Variants in RUSC1 observed in about 807,000 individuals in gnomAD.
RUSC1 encodes the protein RUN and SH3 domain containing 1, also known as AP-4 complex accessory subunit RUSC1.
RUSC1 carries 40 observed loss-of-function variants against 72.1 expected under a neutral mutation model. That is an observed-to-expected ratio of 0.55 (90% confidence interval 0.43 to 0.72). The LOEUF is 0.72. Ranked by LOEUF, RUSC1 falls within the 30% of genes least tolerant of loss-of-function variation. The pLI is 0.00. For missense variants in RUSC1, 1,092 were observed against 1,172.3 expected, an observed-to-expected ratio of 0.93 and a Z score of 1.00; for synonymous variants, 512 against 494.2, an observed-to-expected ratio of 1.04 and a Z score of -0.48.
At chr1:155,324,102 G>T in intron 2 of RUSC1, 1 of 1,194,848 alleles carries the variant, frequency 8.4e-7, no homozygotes, top group Non-Finnish European at 1.0e-6. Flanking sequence ...AAGTCTAGGG[G>T]GTCCCAGCGA....
chr1:155,324,428 C>T, intron 2 of RUSC1: 1 of 1,613,172 alleles, frequency 6.2e-7, no homozygotes, highest in Non-Finnish European at 8.5e-7. Context: ...ATGCCGCCCA[C>T]GTGCTCCCCG....
intron 2 of RUSC1, chr1:155,324,184 C>T: frequency 7.2e-7 from 1 of 1,393,530 alleles, no homozygotes; most frequent in African/African-American, 1.5e-5. Flanking sequence ...GCCTGCCCCC[C>T]GACCTTGCTA....
chr1:155,322,183 G>T lies in RUSC1; in HGVS notation c.410G>T (p.Ser137Ile). ...GATGAGGATGCCCACCCTCAGCCCA[G>T]TATCATCCCCCTGGAGCAGGGCTCC... The part of the protein sequence containing the change: ...PGDEDAHPQP[S>I]IIPLEQGSPL... Residue 137 changes from serine (S) to isoleucine (I), a missense_variant, in exon 2 of 10, where the codon AGT becomes ATT. Physicochemically the swap from Ser to Ile is moderately radical, Grantham distance 142. Coordinates refer to ENST00000368352, the MANE Select transcript of RUSC1 (RefSeq NM_001105203.2). 6.2e-7 allele frequency: 1 copy of T among 1,606,630 alleles called. No homozygotes were observed. The highest frequency in any genetic ancestry group is 1.1e-5 in the South Asian group (1 of 90,222).
chr1:155,325,435 C>T lies in RUSC1; in HGVS notation c.1653C>T (p.Ile551=). Residue 551 remains isoleucine (I), a synonymous_variant, in exon 5 of 10, where the codon ATC becomes ATT. Coordinates refer to ENST00000368352, the MANE Select transcript of RUSC1 (RefSeq NM_001105203.2). This position sits in a 1 kb window ranked among gnomAD's most constrained non-coding sequence, Gnocchi z 6.5. Reference sequence around the variant, plus strand: ...TGAAGCCTTTCCGGAAGGACCTCATCACCGGGCAGCGCAGGAGCAGCCCCT... The same window carrying T: ...TGAAGCCTTTCCGGAAGGACCTCATTACCGGGCAGCGCAGGAGCAGCCCCT... The part of the protein sequence containing the change: ...DGLKPFRKDL[I]TGQRRSSPWS... The T allele has an allele frequency of 6.3e-7, 1 of 1,592,512 alleles. No homozygotes were observed. The highest frequency in any genetic ancestry group is 8.5e-7 in the Non-Finnish European group (1 of 1,173,830).
At position 155,326,622 on chromosome 1, in the gene RUSC1, T is replaced by C. The variant is rs1427090348; in HGVS notation, c.1904T>C (p.Leu635Pro). Residue 635 changes from leucine to proline, a missense_variant, in exon 8 of 10, where the codon CTG becomes CCG. Physicochemically the swap from Leu to Pro is moderately conservative, Grantham distance 98. Transcript: ENST00000368352. This position sits in a 1 kb window ranked among gnomAD's most constrained non-coding sequence, Gnocchi z 4.7. ...LLYLPTGFFS[L>P]ARGGCPSLST... ...TACCTGCCAACAGGATTTTTCTCCC[T>C]GGCCCGCGGTGGTTGTCCCTCCCTG... 12 of 1,613,786 alleles carry C rather than the reference T, an allele frequency of 7.4e-6. No individual in the cohort carries two copies. The Admixed American group carries it at 2.0e-4, about 27-fold the overall frequency.
rs572121491 is a variant in RUSC1, at chr1:155,330,884, A to G, written c.*313A>G. The stretch of plus-strand genomic sequence containing the variant: ...GAAATCTAGACCTCCTTCTTCATCC[A>G]TAAGTGGACTGTGCCAGTACAATAC... On this transcript the variant is annotated 3_prime_UTR_variant, in exon 10 of 10. Coordinates refer to ENST00000368352, the MANE Select transcript of RUSC1 (RefSeq NM_001105203.2). 21 of 257,210 alleles carry G rather than the reference A, an allele frequency of 8.2e-5. No individual in the cohort carries two copies. The highest frequency in any genetic ancestry group is 6.6e-4 in the South Asian group (14 of 21,072). The allele number at this position is 257,210 out of a possible 1,614,324, so 15.9% of individuals were successfully genotyped here.
chr1:155,324,503 C>T (rs375651480), intron 2 of RUSC1: 10 of 1,605,508 alleles, frequency 6.2e-6, no homozygotes, highest in African/African-American at 2.7e-5. Flanking sequence ...CCCCGCGCCC[C>T]GTCCTCTCCC....
In RUSC1 at chr1:155,325,026, A is replaced by G. The variant is rs1272109567; in HGVS notation, c.1457-76A>G. On this transcript the variant is annotated intron_variant, in intron 3 of 9. Transcript: ENST00000368352. This position sits in a 1 kb window ranked among gnomAD's most constrained non-coding sequence, Gnocchi z 6.5. ...CCCTGCTCTCAGGCTGTCCGAAGGC[A>G]GTCTCTCCACGCCCCTCGGGCAAGC... The G allele has an allele frequency of 6.2e-7, 1 of 1,613,622 alleles. No homozygotes were observed. Among genetic ancestry groups the G allele is most frequent in the Non-Finnish European group, 8.5e-7 (1 of 1,179,690 alleles).
rs751582977 is a variant in RUSC1 at position 155,322,199 on chromosome 1, G to A, written c.426G>A (p.Glu142=). 1 of 1,609,120 alleles carries A rather than the reference G, an allele frequency of 6.2e-7. No homozygotes were observed. The highest frequency in any genetic ancestry group is 1.1e-5 in the South Asian group (1 of 90,610). The stretch of plus-strand genomic sequence containing the variant: ...CTCAGCCCAGTATCATCCCCCTGGA[G>A]CAGGGCTCCCCACTGGCTTCAGCAG... ...AHPQPSIIPL[E]QGSPLASAGP... Residue 142 remains glutamate (E), a synonymous_variant, in exon 2 of 10, where the codon GAG becomes GAA. Transcript: ENST00000368352.
chr1:155,327,080 T>C lies in RUSC1; in HGVS notation c.2362T>C (p.Phe788Leu). The C allele has an allele frequency of 6.2e-7, 1 of 1,612,350 alleles. No individual in the cohort carries two copies. The highest frequency in any genetic ancestry group is 8.5e-7 in the Non-Finnish European group (1 of 1,179,178). Residue 788 changes from phenylalanine (F) to leucine (L), a missense_variant, in exon 8 of 10, where the codon TTT becomes CTT. Phe to Leu is a conservative substitution (Grantham distance 22). Coordinates refer to ENST00000368352, the MANE Select transcript of RUSC1 (RefSeq NM_001105203.2). Reference sequence around the variant, plus strand: ...CAGGGGCCTCTGGTTGGGAAGACTATTTGGAGTGCCTGGGGGCCCCGCAGA... The same window carrying C: ...CAGGGGCCTCTGGTTGGGAAGACTACTTGGAGTGCCTGGGGGCCCCGCAGA... ...PGRGLWLGRL[F>L]GVPGGPAENE...
intron 2 of RUSC1, chr1:155,324,281 G>C: frequency 2.0e-6 from 3 of 1,535,778 alleles, no homozygotes; most frequent in South Asian, 2.5e-5. Context: ...TCCCACGCGG[G>C]ATGAAGAGGG....
At chr1:155,328,336 G>A (rs1214038577) in intron 9 of RUSC1, 61 bp downstream of exon 9, 2 of 1,480,218 alleles carry the variant, frequency 1.4e-6, no homozygotes, top group East Asian at 2.4e-5. Flanking sequence ...CAGCATGGAT[G>A]GGAGGTAGTG....
At chr1:155,324,467 G>A in intron 2 of RUSC1, 1 of 1,611,790 alleles carries the variant, frequency 6.2e-7, no homozygotes, top group Non-Finnish European at 8.5e-7. Context: ...TGGGCCCCGG[G>A]GCGGTGCGCT....
At position 155,326,771 on chromosome 1, in the gene RUSC1, C is replaced by A. The variant is rs1651458554; in HGVS notation, c.2053C>A (p.Pro685Thr). ...PPQAPAPPGP[P>T]PALQQTMQAM... ...TCAGGCCCCTGCCCCTCCAGGCCCA[C>A]CTCCAGCTCTGCAGCAGACTATGCA... Residue 685 changes from proline to threonine, a missense_variant, in exon 8 of 10, where the codon CCT (proline) becomes ACT (threonine). Pro to Thr is a conservative substitution (Grantham distance 38). Coordinates refer to ENST00000368352, the MANE Select transcript of RUSC1 (RefSeq NM_001105203.2). The surrounding 1 kb of genome is among the most constrained non-coding windows in gnomAD (Gnocchi z 4.7). The A allele has an allele frequency of 1.9e-6, 3 of 1,613,034 alleles. No individual in the cohort carries two copies. In the South Asian group the frequency reaches 3.3e-5, roughly 18 times the overall value.
intron 2 of RUSC1, chr1:155,324,475 G>A (rs1359294878): frequency 6.2e-7 from 1 of 1,610,108 alleles, no homozygotes; most frequent in Non-Finnish European, 8.5e-7. Flanking sequence ...GGGGCGGTGC[G>A]CTGGGCTACA....
At chr1:155,324,437 C>T in intron 2 of RUSC1, 2 of 1,612,966 alleles carry the variant, frequency 1.2e-6, no homozygotes, top group South Asian at 1.1e-5. Flanking sequence ...ACGTGCTCCC[C>T]GGGGCTCCGC....
At chr1:155,324,388 C>G in intron 2 of RUSC1, 2 of 1,612,848 alleles carry the variant, frequency 1.2e-6, no homozygotes, top group Non-Finnish European at 1.7e-6. Context: ...CCGTCTCCTC[C>G]CTTTCCCCTG....
chr1:155,321,381 C>T (rs770402617), intron 1 of RUSC1: 1 of 1,382,302 alleles, frequency 7.2e-7, no homozygotes, highest in South Asian at 1.1e-5. Context: ...GGCCAGATTG[C>T]GGCAGCAGGG....
Position 155,325,442 on chromosome 1 carries a change from CA to C in RUSC1, c.1661del (p.Gln554ArgfsTer14), listed in dbSNP as rs1557996069. 1.3e-6 allele frequency: 2 copies of C among 1,592,840 alleles called. No homozygotes were observed. Among genetic ancestry groups the C allele is most frequent in the South Asian group, 2.2e-5 (2 of 89,518 alleles). The stretch of plus-strand genomic sequence containing the variant: ...TTTCCGGAAGGACCTCATCACCGGG[CA>C]GCGCAGGAGCAGCCCCTGGAGCGTG... Reference protein sequence around the residue: ...KPFRKDLITGQRRSSPWSVVE... With the variant: ...KPFRKDLITGXRRSSPWSVVE... On this transcript the variant is annotated frameshift_variant, in exon 5 of 10. Transcript: ENST00000368352. LOFTEE classifies it high-confidence loss of function. The surrounding 1 kb of genome is among the most constrained non-coding windows in gnomAD (Gnocchi z 6.5).
Sources: gnomAD v4.1 joint callset for allele counts on GRCh38, gnomAD v4.1.1 for gene constraint, Gnocchi (gnomAD v3.1) non-coding constraint, MANE v1.5 for transcripts, NCBI Gene and HGNC (gene_info 2026-07-23, HGNC 2026-07-21) for gene names.